Variants in CADPS2 observed in about 807,000 individuals in gnomAD.
CADPS2 encodes the protein calcium dependent secretion activator 2.
A neutral mutation model predicts 172.5 loss-of-function variants in CADPS2; 93 were observed. That is an observed-to-expected ratio of 0.54 (90% CI 0.46 to 0.64). The LOEUF (loss-of-function observed/expected upper bound fraction) is 0.64. Among genes scored for constraint, CADPS2 ranks in the 30% least tolerant of loss-of-function variants. The pLI is 0.00. For missense variants in CADPS2, 1,420 were observed against 1,565.9 expected (o/e 0.91, Z 1.57); for synonymous variants, 546 against 555.2 (o/e 0.98, Z 0.23).
chr7:122,642,568 A>C (rs1311498159), intron 3 of CADPS2, among the ~76,000 whole-genome samples: 1 of 140,060 alleles, frequency 7.1e-6, no homozygotes. Context: ...TTTTTTTTAC[A>C]ACTTATTATA....
intron 2 of CADPS2, among the ~76,000 whole-genome samples, chr7:122,726,214 G>A (rs988926849): frequency 2.0e-5 from 3 of 151,960 alleles, no homozygotes; most frequent in East Asian, 3.9e-4. Flanking sequence ...GGGGGACTAT[G>A]TCTTTAGTAT....
At chr7:122,473,667 T>C (rs2056265216) in intron 13 of CADPS2, among the ~76,000 whole-genome samples, 1 of 152,310 alleles carries the variant, frequency 6.6e-6, no homozygotes, top group South Asian at 2.1e-4. Context: ...TGAATTGCTA[T>C]TGACAATGTA....
chr7:122,802,397 T>G (rs1797850374), intron 1 of CADPS2, among the ~76,000 whole-genome samples: 1 of 152,238 alleles, frequency 6.6e-6, no homozygotes, highest in Admixed American at 6.5e-5. Context: ...TCACATGCTG[T>G]GTACCTCCAC....
rs556307057 is a variant in CADPS2, at chr7:122,670,664, A to AT, written c.454-7096dup. Among the ~76,000 whole-genome samples the AT allele has an allele frequency of 6.9e-3, 1,043 of 151,378 alleles. 5 individuals are homozygous for AT. The highest frequency in any genetic ancestry group is 0.014 in the Middle Eastern group (4 of 292). ...AGGCACAAGCCACCACGCCTGGCTAATTTTTTTTGTATTTTTAGTAGAGAC... is the reference window on the plus strand; with the variant it reads ...AGGCACAAGCCACCACGCCTGGCTAATTTTTTTTTGTATTTTTAGTAGAGAC... On this transcript the variant is annotated intron_variant, in intron 2 of 29. Transcript: ENST00000449022.
chr7:122,669,147 A>G (rs900631048), intron 2 of CADPS2, among the ~76,000 whole-genome samples: 1 of 152,038 alleles, frequency 6.6e-6, no homozygotes, highest in African/African-American at 2.4e-5. Flanking sequence ...CCTGGGAAAC[A>G]TGGCGAAACC....
rs2069614785 is a variant in CADPS2 at position 122,585,971 on chromosome 7, TAAGCA to T, written c.1224-4686_1224-4682del. Among the ~76,000 whole-genome samples the T allele has an allele frequency of 2.0e-5, 3 of 152,092 alleles. No homozygotes were observed. In the South Asian group the frequency reaches 6.2e-4, roughly 32 times the overall value. On this transcript the variant is annotated intron_variant, in intron 6 of 29. Transcript: ENST00000449022. ...ATAATTGTAAGTATTAAAAAGAGTC[TAAGCA>T]GAAACATTCATGACAGCATTATGTA...
At chr7:122,531,325 T>C (rs1484992782) in intron 8 of CADPS2, among the ~76,000 whole-genome samples, 6 of 152,202 alleles carry the variant, frequency 3.9e-5, no homozygotes, top group Non-Finnish European at 1.5e-5. Context: ...GTGGAAAGGA[T>C]GTGAGAATCC....
chr7:122,587,904 T>C (rs905252957), intron 6 of CADPS2, among the ~76,000 whole-genome samples: 1 of 152,148 alleles, frequency 6.6e-6, no homozygotes, highest in African/African-American at 2.4e-5. Flanking sequence ...ATAATCACCA[T>C]TCTGACTGGC....
At chr7:122,383,964 A>G (rs2043315027) in intron 24 of CADPS2, among the ~76,000 whole-genome samples, 1 of 152,126 alleles carries the variant, frequency 6.6e-6, no homozygotes, top group Non-Finnish European at 1.5e-5. Context: ...TAATGGGACC[A>G]TGGAATGAAG....
At chr7:122,323,889 ATATATATATAT>A (rs2033219196) in intron 29 of CADPS2, among the ~76,000 whole-genome samples, 1 of 13,076 alleles carries the variant, frequency 7.6e-5, no homozygotes, top group Non-Finnish European at 3.5e-4. Flanking sequence ...ATATATATAT[ATATATATATAT>A]ATATATATAT....
intron 24 of CADPS2, among the ~76,000 whole-genome samples, chr7:122,381,838 T>C (rs1167718701): frequency 3.9e-5 from 6 of 152,154 alleles, no homozygotes; most frequent in Non-Finnish European, 8.8e-5. Flanking sequence ...TAAAGAAGTA[T>C]ACATCTGAAA....
intron 7 of CADPS2, among the ~76,000 whole-genome samples, chr7:122,574,462 A>AAAAAAAG (rs2067707404): frequency 6.7e-6 from 1 of 149,416 alleles, no homozygotes; most frequent in Non-Finnish European, 1.5e-5. Flanking sequence ...AAAAAAAAAA[A>AAAAAAAG]AAAAAAGTAT....
chr7:122,772,807 C>T (rs2093743653), intron 1 of CADPS2, among the ~76,000 whole-genome samples: 1 of 152,044 alleles, frequency 6.6e-6, no homozygotes, highest in Non-Finnish European at 1.5e-5. Flanking sequence ...CTACAACAGA[C>T]TATGCCTAGA....
intron 9 of CADPS2, among the ~76,000 whole-genome samples, chr7:122,498,946 T>C (rs760075041): frequency 2.0e-5 from 3 of 152,192 alleles, no homozygotes; most frequent in Non-Finnish European, 4.4e-5. Flanking sequence ...CTACAAAGCC[T>C]AGCTTAAGGG....
intron 3 of CADPS2, among the ~76,000 whole-genome samples, chr7:122,629,641 A>G (rs2076393305): frequency 6.6e-6 from 1 of 152,142 alleles, no homozygotes; most frequent in East Asian, 1.9e-4. Flanking sequence ...TGTTCTTTCA[A>G]GTTCTCACCA....
At chr7:122,848,841 G>A (rs1812739552) in intron 1 of CADPS2, among the ~76,000 whole-genome samples, 1 of 152,240 alleles carries the variant, frequency 6.6e-6, no homozygotes, top group Non-Finnish European at 1.5e-5. Context: ...GATGGGAAAG[G>A]GAGAGGAACT....
At chr7:122,853,350 C>T (rs990292854) in intron 1 of CADPS2, among the ~76,000 whole-genome samples, 3 of 152,188 alleles carry the variant, frequency 2.0e-5, no homozygotes, top group African/African-American at 7.2e-5. Flanking sequence ...TTCCAATTAC[C>T]CCTGGGTGGC....
chr7:122,747,727 A>G (rs927101424), intron 1 of CADPS2, among the ~76,000 whole-genome samples: 3 of 152,138 alleles, frequency 2.0e-5, no homozygotes, highest in African/African-American at 7.2e-5. Context: ...GCCACTGGCT[A>G]CACTTGGGGC....
intron 8 of CADPS2, among the ~76,000 whole-genome samples, chr7:122,543,729 T>C (rs936303645): frequency 6.6e-6 from 1 of 152,146 alleles, no homozygotes; most frequent in African/African-American, 2.4e-5. Flanking sequence ...TTTCATATTG[T>C]CTCTTAATCT....
Sources: allele counts gnomAD v4.1 joint callset (sites outside exome capture counted in the v4.1 genomes callset), GRCh38; gene constraint gnomAD v4.1.1; transcripts MANE v1.5; gene names NCBI Gene and HGNC (gene_info 2026-07-23, HGNC 2026-07-21).